Variants in LPCAT3 observed in about 807,000 individuals in gnomAD.
The protein encoded by LPCAT3 is lysophosphatidylcholine acyltransferase 3.
A neutral mutation model predicts 63.4 loss-of-function variants in LPCAT3; 21 were observed. The observed-to-expected ratio is 0.33, with a 90% CI of 0.23 to 0.48. The LOEUF (loss-of-function observed/expected upper bound fraction) is 0.48. Ranked by LOEUF, LPCAT3 falls within the 20% of genes least tolerant of loss-of-function variation. The pLI, the probability that LPCAT3 is intolerant of heterozygous loss-of-function variation, is 0.99. For synonymous variants in LPCAT3, 242 were observed against 227.5 expected (o/e 1.06, Z -0.58); for missense variants, 451 against 590.6 (o/e 0.76, Z 2.45).
chr12:6,986,919 G>C (rs1946533042), intron 1 of LPCAT3, among the ~76,000 whole-genome samples: 1 of 151,842 alleles, frequency 6.6e-6, no homozygotes, highest in African/African-American at 2.4e-5. Flanking sequence ...TTTGAGACGA[G>C]CCTGGCCAAC....
In LPCAT3 at chr12:7,007,282, C is replaced by A. The variant is rs113762841; in HGVS notation, c.151+10992G>T. ...GCCAGGCTGGTCTCAAACTCCTGAC[C>A]TCAGGTGATCCACCCACCTTGGCTT... On this transcript the variant is annotated intron_variant, in intron 1 of 12. Transcript: ENST00000261407. Among the ~76,000 whole-genome samples, 352 of 151,976 alleles carry A rather than the reference C, an allele frequency of 2.3e-3. 3 individuals are homozygous for A. Among genetic ancestry groups the A allele is most frequent in the African/African-American group, 8.0e-3 (330 of 41,438 alleles).
intron 4 of LPCAT3, 89 bp from the exon 5 acceptor site, chr12:6,981,721 C>CGG: frequency 6.8e-6 from 1 of 146,924 alleles, no homozygotes; most frequent in Non-Finnish European, 1.4e-5. Context: ...AAGTGTATGG[C>CGG]GGGGGGCGGA....
chr12:6,995,443 C>T (rs1946628362), intron 1 of LPCAT3, among the ~76,000 whole-genome samples: 2 of 151,112 alleles, frequency 1.3e-5, no homozygotes, highest in South Asian at 4.2e-4. Context: ...CACTGTACTC[C>T]AGCCTGGGCA....
chr12:6,994,333 G>A (rs782645166), intron 1 of LPCAT3, among the ~76,000 whole-genome samples: 4 of 151,530 alleles, frequency 2.6e-5, no homozygotes, highest in Admixed American at 6.6e-5. Flanking sequence ...TCAGCCTCCC[G>A]AGTAGCTGGG....
Position 6,977,499 on chromosome 12 carries a change from G to T in LPCAT3, c.1215C>A (p.Pro405=). 4 of 1,614,206 alleles carry T rather than the reference G, an allele frequency of 2.5e-6. No individual in the cohort carries two copies. The highest frequency in any genetic ancestry group is 3.4e-6 in the Non-Finnish European group (4 of 1,180,038). ...RQAARLIQES[P]TLSKLAAITV... is the part of the protein sequence containing the mutation. Reference sequence around the variant, plus strand: ...TAATGGCGGCCAGCTTGCTCAGGGTGGGGCTCTCTTGAATGAGCCTGGCAG... The same window carrying T: ...TAATGGCGGCCAGCTTGCTCAGGGTTGGGCTCTCTTGAATGAGCCTGGCAG... The change falls in exon 11 of 13, where the codon CCC becomes CCA. Residue 405 remains proline (P), a synonymous_variant. Transcript: ENST00000261407. This position sits in a 1 kb window ranked among gnomAD's most constrained non-coding sequence, Gnocchi z 4.5.
At chr12:6,979,685 C>T (rs2138330345) in intron 6 of LPCAT3, 106 bp from the exon 7 acceptor site, 1 of 753,760 alleles carries the variant, frequency 1.3e-6, no homozygotes, top group South Asian at 1.6e-5. Context: ...TGGTTGTCTA[C>T]CTGGAATGGG....
At chr12:6,991,659 T>C (rs1946591193) in intron 1 of LPCAT3, among the ~76,000 whole-genome samples, 2 of 152,364 alleles carry the variant, frequency 1.3e-5, no homozygotes, top group South Asian at 4.1e-4. Context: ...TTGTTTACCT[T>C]GAAGTGACAG....
chr12:6,994,869 T>C (rs1946624114), intron 1 of LPCAT3, among the ~76,000 whole-genome samples: 1 of 152,234 alleles, frequency 6.6e-6, no homozygotes, highest in African/African-American at 2.4e-5. Flanking sequence ...CTCCTAGATG[T>C]TGCTGACCCC....
At chr12:7,001,403 C>T (rs782662963) in intron 1 of LPCAT3, 1 of 455,702 alleles carries the variant, frequency 2.2e-6, no homozygotes, top group African/African-American at 2.0e-5. Flanking sequence ...AATCAACCAC[C>T]ACCCCAACAA....
intron 7 of LPCAT3, chr12:6,979,069 G>A (rs1220471343): frequency 6.7e-6 from 2 of 296,486 alleles, no homozygotes; most frequent in Non-Finnish European, 1.3e-5. Context: ...CTTTCAGCTG[G>A]GCAGGAGCAA....
At position 7,018,189 on chromosome 12, in the gene LPCAT3, G is replaced by A. The variant is rs140190791; in HGVS notation, c.151+85C>T. On this transcript the variant is annotated intron_variant, in intron 1 of 12. Transcript: ENST00000261407. The surrounding 1 kb of genome is among the most constrained non-coding windows in gnomAD (Gnocchi z 4.9). ...CGGCACAGCCCTCCCGGGTGGCTCC[G>A]GGAAGAGAGGGAGGTCCTGTCCCCA... 3.3e-4 allele frequency: 500 copies of A among 1,511,020 alleles called. No individual in the cohort carries two copies. The highest frequency in any genetic ancestry group is 4.1e-4 in the Non-Finnish European group (461 of 1,113,198). The allele number at this position is 1,511,020 out of a possible 1,614,324, so 93.6% of individuals were successfully genotyped here.
At chr12:6,999,985 T>C (rs940028965) in intron 1 of LPCAT3, among the ~76,000 whole-genome samples, 2 of 146,880 alleles carry the variant, frequency 1.4e-5, no homozygotes, top group African/African-American at 5.1e-5. Flanking sequence ...AGTAGTGCAG[T>C]CTTGGCTCAC....
At chr12:6,982,439 A>G (rs1946479622) in intron 3 of LPCAT3, among the ~76,000 whole-genome samples, 2 of 152,242 alleles carry the variant, frequency 1.3e-5, no homozygotes, top group Admixed American at 6.5e-5. Context: ...CTAATGGCAC[A>G]GTATGCAAAG....
At chr12:6,984,973 C>T (rs769626432) in intron 1 of LPCAT3, among the ~76,000 whole-genome samples, 4 of 150,998 alleles carry the variant, frequency 2.6e-5, no homozygotes, top group African/African-American at 7.3e-5. Context: ...AACTCTAAAA[C>T]GCTTAGAATA....
At chr12:6,982,610 C>T in intron 3 of LPCAT3, 66 bp downstream of exon 3, 1 of 1,226,304 alleles carries the variant, frequency 8.2e-7, no homozygotes, top group South Asian at 1.2e-5. Context: ...CCACAGTCCC[C>T]TGCCTACCCC....
At position 6,978,420 on chromosome 12, in the gene LPCAT3, C is replaced by A. The variant is rs1555153604; in HGVS notation, c.961G>T (p.Val321Leu). 5 of 1,614,116 alleles carry A rather than the reference C, an allele frequency of 3.1e-6. No homozygotes were observed. The highest frequency in any genetic ancestry group is 4.2e-6 in the Non-Finnish European group (5 of 1,180,016). The part of the protein sequence containing the change: ...AKWDACANMK[V>L]WLFETNPRFT... ...CGGGGGTTTGTTTCAAAGAGCCACACCTTCATGTTGGCACAGGCATCCCAC... is the reference window on the plus strand; with the variant it reads ...CGGGGGTTTGTTTCAAAGAGCCACAACTTCATGTTGGCACAGGCATCCCAC... Residue 321 changes from valine (V) to leucine (L), a missense_variant, in exon 9 of 13, where the codon GTG becomes TTG. Around this residue, in one of 3 missense-constraint regions of LPCAT3, gnomAD observed 304 missense variants for 390.8 expected, o/e 0.78. Transcript: ENST00000261407.
In LPCAT3 at chr12:7,018,305, C is replaced by T; in HGVS notation, c.120G>A (p.Gln40=). The change falls in exon 1 of 13, where the codon CAG becomes CAA. Residue 40 remains glutamine (Q), a synonymous_variant. Transcript: ENST00000261407. The surrounding 1 kb of genome is among the most constrained non-coding windows in gnomAD (Gnocchi z 4.9). ...AGATGGAGATGATCAGCCGCAGCGC[C>T]TGTTCTGACGCGCCCAGGGACGTCG... The part of the protein sequence containing the change: ...KLATSLGASE[Q]ALRLIISIFL... The T allele has an allele frequency of 6.2e-7, 1 of 1,607,970 alleles. No homozygotes were observed.
At chr12:6,991,808 C>T (rs1241782101) in intron 1 of LPCAT3, among the ~76,000 whole-genome samples, 1 of 152,142 alleles carries the variant, frequency 6.6e-6, no homozygotes, top group Non-Finnish European at 1.5e-5. Flanking sequence ...TGAATAATCG[C>T]CCAAATGCTT....
intron 1 of LPCAT3, among the ~76,000 whole-genome samples, chr12:7,015,592 A>G (rs1298083378): frequency 6.6e-6 from 1 of 152,230 alleles, no homozygotes; most frequent in African/African-American, 2.4e-5. Context: ...TAGGAATACA[A>G]TCCTACCCGT....
Sources: allele counts gnomAD v4.1 joint callset (sites outside exome capture counted in the v4.1 genomes callset), GRCh38; gene constraint gnomAD v4.1.1; regional missense constraint gnomAD v4.1.1; non-coding constraint Gnocchi (gnomAD v3.1); transcripts MANE v1.5; gene names NCBI Gene and HGNC (gene_info 2026-07-23, HGNC 2026-07-21).